Variants in UGGT2 observed in about 807,000 individuals in gnomAD.
The protein encoded by UGGT2 is UDP-glucose:glycoprotein glucosyltransferase 2.
Under a neutral mutation model 192.1 loss-of-function variants are expected in UGGT2, and 180 were observed. The observed-to-expected ratio is 0.94, with a 90% CI of 0.83 to 1.06. UGGT2 has a LOEUF of 1.06. UGGT2 is among the 50% of genes least tolerant of loss of function. UGGT2 has a pLI of 0.00. For synonymous variants in UGGT2, 580 were observed against 591.0 expected, an observed-to-expected ratio of 0.98 and a Z score of 0.27; for missense variants, 1,849 against 1,795.7, an observed-to-expected ratio of 1.03 and a Z score of -0.54.
chr13:95,814,016 G>A lies in UGGT2; in HGVS notation c.4529-12204C>T, dbSNP rs376232114. 1.3e-3 allele frequency among the ~76,000 whole-genome samples: 205 copies of A among 152,344 alleles called. 2 individuals carry two copies. The highest frequency in any genetic ancestry group is 2.5e-3 in the Non-Finnish European group (171 of 68,036). ...GAGTGAATGAGGCTTGGCAGCCATC[G>A]TCTAGATTTCAGAGAATGTATTAAA... On this transcript the variant is annotated intron_variant, in intron 38 of 38. Transcript: ENST00000376747.
intron 10 of UGGT2, among the ~76,000 whole-genome samples, chr13:95,973,042 T>C (rs1255196554): frequency 6.6e-6 from 1 of 152,086 alleles, no homozygotes; most frequent in East Asian, 1.9e-4. Context: ...TGGTGGCACA[T>C]GCCCGTAATC....
intron 27 of UGGT2, among the ~76,000 whole-genome samples, chr13:95,879,576 C>G (rs993634690): frequency 2.0e-5 from 3 of 152,200 alleles, no homozygotes; most frequent in African/African-American, 7.2e-5. Context: ...GCTAGGATTA[C>G]AGGCATAGGC....
At chr13:96,015,056 A>T (rs1434456070) in intron 4 of UGGT2, among the ~76,000 whole-genome samples, 1 of 152,096 alleles carries the variant, frequency 6.6e-6, no homozygotes, top group African/African-American at 2.4e-5. Flanking sequence ...AGGTGGGCGG[A>T]TCATGAGGTC....
At chr13:96,045,034 T>G (rs1436608798) in intron 1 of UGGT2, among the ~76,000 whole-genome samples, 5 of 151,708 alleles carry the variant, frequency 3.3e-5, no homozygotes, top group Admixed American at 2.0e-4. Context: ...GAAAAAAACA[T>G]AACCAAAAAA....
At chr13:95,863,558 C>A in intron 31 of UGGT2, 71 bp downstream of exon 31, 1 of 1,239,344 alleles carries the variant, frequency 8.1e-7, no homozygotes, top group Non-Finnish European at 1.2e-6. Flanking sequence ...ATTTTCACTA[C>A]CTGTGGAACT....
intron 12 of UGGT2, among the ~76,000 whole-genome samples, chr13:95,952,200 C>T (rs2050085863): frequency 6.6e-6 from 1 of 150,600 alleles, no homozygotes; most frequent in South Asian, 2.1e-4. Flanking sequence ...TGAAAAACCA[C>T]AGGAAAAAAA....
chr13:95,863,827 T>G, intron 30 of UGGT2, 113 bp from the exon 31 acceptor site: 1 of 813,864 alleles, frequency 1.2e-6, no homozygotes, highest in South Asian at 1.5e-5. Context: ...AGATTGACAG[T>G]TGCAGTAACC....
At chr13:95,843,426 T>C (rs896673539) in intron 36 of UGGT2, among the ~76,000 whole-genome samples, 11 of 152,224 alleles carry the variant, frequency 7.2e-5, no homozygotes, top group Non-Finnish European at 1.5e-4. Flanking sequence ...GATGGGTCAA[T>C]CTGATTCTTT....
intron 7 of UGGT2, chr13:95,991,526 T>C (rs1198071031): frequency 1.3e-5 from 6 of 445,060 alleles, no homozygotes; most frequent in Middle Eastern, 3.5e-4. Flanking sequence ...GGTAATCTTA[T>C]AGTTACGAAT....
intron 1 of UGGT2, among the ~76,000 whole-genome samples, chr13:96,045,780 T>C (rs1367828767): frequency 1.3e-5 from 2 of 152,008 alleles, no homozygotes; most frequent in Admixed American, 1.3e-4. Flanking sequence ...ACCTAACAAA[T>C]GAGGTGAAAG....
intron 4 of UGGT2, among the ~76,000 whole-genome samples, chr13:96,014,724 T>A (rs1338123512): frequency 2.6e-5 from 4 of 152,174 alleles, no homozygotes; most frequent in Non-Finnish European, 4.4e-5. Flanking sequence ...TAATAAATGC[T>A]AAAAGGATAC....
intron 38 of UGGT2, among the ~76,000 whole-genome samples, chr13:95,812,582 G>A (rs1884636525): frequency 6.6e-6 from 1 of 152,018 alleles, no homozygotes; most frequent in East Asian, 1.9e-4. Context: ...TTGAATTTTT[G>A]TCCCCATCTA....
At chr13:96,010,057 T>G (rs2052109457) in intron 5 of UGGT2, among the ~76,000 whole-genome samples, 1 of 152,082 alleles carries the variant, frequency 6.6e-6, no homozygotes, top group South Asian at 2.1e-4. Context: ...TACTGTAAAC[T>G]AGTTCATTTA....
intron 4 of UGGT2, among the ~76,000 whole-genome samples, chr13:96,018,205 T>C (rs1234793856): frequency 6.6e-6 from 1 of 152,192 alleles, no homozygotes; most frequent in Non-Finnish European, 1.5e-5. Context: ...CCCAAAACTT[T>C]ATAGACATAA....
intron 31 of UGGT2, among the ~76,000 whole-genome samples, chr13:95,862,931 T>G (rs1394241520): frequency 6.6e-6 from 1 of 152,130 alleles, no homozygotes; most frequent in Non-Finnish European, 1.5e-5. Flanking sequence ...GTTGCAATCT[T>G]GACTTACTGC....
chr13:96,009,520 T>G (rs1006327194), intron 5 of UGGT2, among the ~76,000 whole-genome samples: 1 of 152,182 alleles, frequency 6.6e-6, no homozygotes, highest in African/African-American at 2.4e-5. Context: ...CATTAAAAAG[T>G]GAGCGAAGGC....
intron 37 of UGGT2, among the ~76,000 whole-genome samples, chr13:95,833,887 G>A (rs1886992876): frequency 6.6e-6 from 1 of 152,180 alleles, no homozygotes; most frequent in South Asian, 2.1e-4. Flanking sequence ...AATTAAGGCA[G>A]GAAGCAACTT....
intron 1 of UGGT2, among the ~76,000 whole-genome samples, chr13:96,034,525 C>T (rs985824455): frequency 5.3e-5 from 8 of 152,226 alleles, no homozygotes; most frequent in Non-Finnish European, 8.8e-5. Context: ...GGCTGAAACA[C>T]GTGCCCCACT....
Position 95,894,607 on chromosome 13 carries a change from T to C in UGGT2, c.2810A>G (p.Lys937Arg). 3 of 1,612,344 alleles carry C rather than the reference T, an allele frequency of 1.9e-6. No individual in the cohort carries two copies. The highest frequency in any genetic ancestry group is 2.5e-6 in the Non-Finnish European group (3 of 1,178,990). The change falls in exon 24 of 39, where the codon AAG becomes AGG. Residue 937 changes from lysine to arginine, a missense_variant. Physicochemically the swap from Lys to Arg is conservative, Grantham distance 26 (BLOSUM62 2). Transcript: ENST00000376747. ...KVDALMSSVP[K>R]RASRYDVTFL... ...TGTGACATCATATCGAGATGCACGCTTAGGCACAGAGGACATAAGGGCATC... is the reference window on the plus strand; with the variant it reads ...TGTGACATCATATCGAGATGCACGCCTAGGCACAGAGGACATAAGGGCATC...
Sources: allele counts gnomAD v4.1 joint callset (sites outside exome capture counted in the v4.1 genomes callset), GRCh38; gene constraint gnomAD v4.1.1; transcripts MANE v1.5; gene names NCBI Gene and HGNC (gene_info 2026-07-23, HGNC 2026-07-21).